PCCA: variants seen among roughly 807,000 people sequenced by gnomAD.
The protein encoded by PCCA is propionyl-CoA carboxylase alpha chain, mitochondrial.
Under a neutral mutation model 101.3 loss-of-function variants are expected in PCCA, and 74 were observed. The observed-to-expected ratio is 0.73, with a 90% confidence interval of 0.61 to 0.89. PCCA has a LOEUF of 0.89. PCCA is among the 40% of genes least tolerant of loss of function. The pLI is 0.00. For missense variants in PCCA, 891 were observed against 907.0 expected, an observed-to-expected ratio of 0.98 and a Z score of 0.23; for synonymous variants, 294 against 313.6, an observed-to-expected ratio of 0.94 and a Z score of 0.66.
rs372821101 is a variant in PCCA at position 100,281,568 on chromosome 13, T to C, written c.1065+8222T>C. On this transcript the variant is annotated intron_variant, in intron 12 of 23. Transcript: ENST00000376285. ...TTCTTATTTTGTTGAATGGTAATAC[T>C]CAGAATTTATAATACTTTGTTTAAA... 5.7e-4 allele frequency among the ~76,000 whole-genome samples: 87 copies of C among 152,324 alleles called. 1 individual carries two copies. The East Asian group carries it at 0.015, about 27-fold the overall frequency.
At position 100,521,850 on chromosome 13, in the gene PCCA, C is replaced by T. The variant is rs117850927; in HGVS notation, c.2041-5825C>T. Among the ~76,000 whole-genome samples, 837 of 152,174 alleles carry T rather than the reference C, an allele frequency of 5.5e-3. 10 individuals are homozygous for T. The highest frequency in any genetic ancestry group is 0.017 in the Middle Eastern group (5 of 292). On this transcript the variant is annotated intron_variant, in intron 22 of 23. Coordinates refer to ENST00000376285, the MANE Select transcript of PCCA (RefSeq NM_000282.4). ...ATTGATCCGTGTTTTTCCGGTGGTCCGGCGTTGCAGAAGTGGAAACTGCAG... is the reference window on the plus strand; with the variant it reads ...ATTGATCCGTGTTTTTCCGGTGGTCTGGCGTTGCAGAAGTGGAAACTGCAG...
At chr13:100,121,197 C>A (rs576839784) in intron 4 of PCCA, among the ~76,000 whole-genome samples, 95 of 141,486 alleles carry the variant, frequency 6.7e-4, no homozygotes, top group African/African-American at 2.3e-3. Flanking sequence ...GTTTCTGTCA[C>A]CCAGGCTGGA....
chr13:100,197,779 C>G (rs569176535), intron 6 of PCCA, among the ~76,000 whole-genome samples: 1 of 152,264 alleles, frequency 6.6e-6, no homozygotes, highest in South Asian at 2.1e-4. Context: ...TAAAAACCAA[C>G]TGCCAAAGTA....
chr13:100,330,376 T>C (rs2069368169), intron 16 of PCCA, among the ~76,000 whole-genome samples, 185 bp from the exon 17 acceptor site: 1 of 152,214 alleles, frequency 6.6e-6, no homozygotes, highest in Non-Finnish European at 1.5e-5. Flanking sequence ...CTTAAATTTA[T>C]ATTTAGTGTT....
rs34411352 is a variant in PCCA, at chr13:100,331,934, A to ATT, written c.1540+1285_1540+1286dup. 8.6e-3 allele frequency among the ~76,000 whole-genome samples: 774 copies of ATT among 89,668 alleles called. 4 individuals are homozygous for ATT. Among genetic ancestry groups the ATT allele is most frequent in the Non-Finnish European group, 0.012 (581 of 49,596 alleles). The allele number at this position is 89,668 out of a possible 152,430, so 58.8% of individuals were successfully genotyped here. The stretch of plus-strand genomic sequence containing the variant: ...TATTGATGAGAAAGGATTACTTTGG[A>ATT]TTTTTTTTTTTTTTTTTTTTTTTGA... On this transcript the variant is annotated intron_variant, in intron 17 of 23. Coordinates refer to ENST00000376285, the MANE Select transcript of PCCA (RefSeq NM_000282.4).
intron 19 of PCCA, among the ~76,000 whole-genome samples, chr13:100,385,220 C>T (rs1348207409): frequency 3.3e-5 from 5 of 152,142 alleles, no homozygotes; most frequent in Admixed American, 6.5e-5. Flanking sequence ...AGAACTTTTT[C>T]CTTGATAAAA....
chr13:100,140,292 G>T (rs2051710665), intron 4 of PCCA, among the ~76,000 whole-genome samples: 1 of 152,172 alleles, frequency 6.6e-6, no homozygotes, highest in Non-Finnish European at 1.5e-5. Context: ...TCTTGAGACT[G>T]CAGTTTCACT....
intron 12 of PCCA, among the ~76,000 whole-genome samples, chr13:100,283,752 C>T (rs904119237): frequency 6.6e-6 from 1 of 151,778 alleles, no homozygotes; most frequent in Non-Finnish European, 1.5e-5. Context: ...GACAAACAAA[C>T]CTTGGTGGTT....
intron 11 of PCCA, 74 bp downstream of exon 11, chr13:100,268,857 T>A: frequency 9.6e-7 from 1 of 1,039,492 alleles, no homozygotes; most frequent in South Asian, 1.3e-5. Flanking sequence ...CATTCATCAT[T>A]CACTGACGCA....
chr13:100,363,276 T>C (rs1466569625), intron 18 of PCCA, among the ~76,000 whole-genome samples: 1 of 152,162 alleles, frequency 6.6e-6, no homozygotes, highest in Admixed American at 6.5e-5. Context: ...ACAATTCATA[T>C]ACTAGATCTA....
chr13:100,298,386 C>G (rs1040989559), intron 12 of PCCA, among the ~76,000 whole-genome samples: 2 of 152,056 alleles, frequency 1.3e-5, no homozygotes, highest in Non-Finnish European at 2.9e-5. Flanking sequence ...CTGAGATTAA[C>G]CCGGTGTTTC....
At chr13:100,373,757 C>T (rs761200493) in intron 19 of PCCA, among the ~76,000 whole-genome samples, 12 of 152,164 alleles carry the variant, frequency 7.9e-5, no homozygotes, top group Admixed American at 1.3e-4. Context: ...AAATTTTATA[C>T]GCGTTTTACC....
chr13:100,427,074 G>A (rs1416079341), intron 20 of PCCA, among the ~76,000 whole-genome samples: 2 of 152,132 alleles, frequency 1.3e-5, no homozygotes, highest in Non-Finnish European at 2.9e-5. Context: ...AAAATTAGCC[G>A]GGTGTGGTGG....
chr13:100,262,030 A>C (rs918321461), intron 9 of PCCA, among the ~76,000 whole-genome samples: 8 of 152,048 alleles, frequency 5.3e-5, no homozygotes, highest in Non-Finnish European at 1.2e-4. Context: ...TATTTTTGCT[A>C]GTGGAATTAA....
chr13:100,285,747 A>G (rs1043711885), intron 12 of PCCA, among the ~76,000 whole-genome samples: 9 of 152,244 alleles, frequency 5.9e-5, no homozygotes, highest in African/African-American at 1.9e-4. Context: ...GACTGCCAAC[A>G]AATTATAGTC....
chr13:100,518,392 CTCGGGGCGCTTGGTGTGGCAGGG>C (rs745704048), intron 22 of PCCA, among the ~76,000 whole-genome samples: 4 of 152,188 alleles, frequency 2.6e-5, no homozygotes, highest in Non-Finnish European at 4.4e-5. Context: ...AGTGAATCCG[CTCGGGGCGCTTGGTGTGGCAGGG>C]CCTTGTGCAC....
At chr13:100,145,791 G>A (rs946362288) in intron 4 of PCCA, among the ~76,000 whole-genome samples, 2 of 151,444 alleles carry the variant, frequency 1.3e-5, no homozygotes, top group African/African-American at 2.4e-5. Context: ...GAACCCAGGA[G>A]GTGGAGGTTG....
At chr13:100,459,367 G>C (rs776600043) in intron 21 of PCCA, among the ~76,000 whole-genome samples, 2 of 152,164 alleles carry the variant, frequency 1.3e-5, no homozygotes, top group Non-Finnish European at 2.9e-5. Flanking sequence ...AAGCTAAAAA[G>C]TGACTGAGGC....
intron 19 of PCCA, among the ~76,000 whole-genome samples, chr13:100,371,365 G>A (rs1433325659): frequency 6.6e-6 from 1 of 152,182 alleles, no homozygotes. Flanking sequence ...GGAGGCGAAA[G>A]GCTTACACAC....
Sources: gnomAD v4.1 joint callset for allele counts (sites outside exome capture counted in the v4.1 genomes callset) on GRCh38, gnomAD v4.1.1 for gene constraint, MANE v1.5 for transcripts, NCBI Gene and HGNC (gene_info 2026-07-23, HGNC 2026-07-21) for gene names.